CYRIB: variants seen among roughly 807,000 people sequenced by gnomAD.
CYRIB encodes CYFIP related Rac1 interactor B.
In CYRIB, 8 loss-of-function variants were observed where a neutral mutation model predicts 44.2. The observed-to-expected ratio is 0.18, with a 90% confidence interval of 0.11 to 0.33. CYRIB has a LOEUF of 0.33. CYRIB is among the 10% of genes least tolerant of loss of function. CYRIB has a pLI of 1.00. For synonymous variants in CYRIB, 131 were observed against 127.2 expected, an observed-to-expected ratio of 1.03 and a Z score of -0.20; for missense variants, 185 against 382.8, an observed-to-expected ratio of 0.48 and a Z score of 4.31.
chr8:129,894,435 C>T (rs1023978759), intron 2 of CYRIB: 8 of 152,130 alleles, frequency 5.3e-5, no homozygotes, highest in Non-Finnish European at 1.2e-4. Context: ...TATGCATTTC[C>T]TTTGTCACCT....
At chr8:129,984,923 TACC>T (rs1345710304) in intron 1 of CYRIB, among the ~76,000 whole-genome samples, 1 of 152,168 alleles carries the variant, frequency 6.6e-6, no homozygotes, top group Non-Finnish European at 1.5e-5. Context: ...TACAGGCATG[TACC>T]ACCACGCCAG....
intron 1 of CYRIB, among the ~76,000 whole-genome samples, chr8:129,978,699 G>A (rs1318548430): frequency 6.6e-6 from 1 of 152,136 alleles, no homozygotes; most frequent in Non-Finnish European, 1.5e-5. Context: ...CAGAAAAGAT[G>A]CTAATACACT....
intron 1 of CYRIB, among the ~76,000 whole-genome samples, chr8:129,913,596 A>G (rs1326866354): frequency 6.6e-6 from 1 of 152,236 alleles, no homozygotes; most frequent in African/African-American, 2.4e-5. Context: ...GGAAATTCCA[A>G]TTCTTCACAG....
chr8:129,969,066 T>C (rs1257198917), intron 2 of CYRIB, among the ~76,000 whole-genome samples: 1 of 117,294 alleles, frequency 8.5e-6, no homozygotes, highest in Non-Finnish European at 1.6e-5. Context: ...CAGGCTAGAG[T>C]GCAGTGGCTT....
At chr8:129,867,160 G>A (rs969689367) in intron 4 of CYRIB, among the ~76,000 whole-genome samples, 11 of 152,078 alleles carry the variant, frequency 7.2e-5, no homozygotes, top group African/African-American at 2.7e-4. Flanking sequence ...TTTCACTCTT[G>A]TTGCCCAGGC....
In CYRIB at chr8:129,985,331, C is replaced by T. The variant is rs1480723525; in HGVS notation, c.-295-14336G>A. Reference sequence around the variant, plus strand: ...CTATCCAGAAGGCCGGTCTTTCTCACGGCCTCTCCACGCTCCATCCTGGCC... The same window carrying T: ...CTATCCAGAAGGCCGGTCTTTCTCATGGCCTCTCCACGCTCCATCCTGGCC... On this transcript the variant is annotated intron_variant, in intron 1 of 14. Coordinates refer to the CYRIB transcript ENST00000401979. Among the ~76,000 whole-genome samples, 6 of 152,190 alleles carry T rather than the reference C, an allele frequency of 3.9e-5. 1 individual carries two copies. Among genetic ancestry groups the T allele is most frequent in the Admixed American group, 3.9e-4 (6 of 15,280 alleles).
intron 1 of CYRIB, among the ~76,000 whole-genome samples, chr8:129,903,898 G>C (rs757103323): frequency 6.6e-6 from 1 of 152,108 alleles, no homozygotes; most frequent in Non-Finnish European, 1.5e-5. Flanking sequence ...CTCTAGGATT[G>C]GTTTTATTAT....
At chr8:129,931,060 A>T (rs1451213532) in intron 1 of CYRIB, among the ~76,000 whole-genome samples, 1 of 152,308 alleles carries the variant, frequency 6.6e-6, no homozygotes, top group East Asian at 1.9e-4. Context: ...CTTTCAAAAT[A>T]ACATTTTTAC....
chr8:129,957,135 T>G (rs1180818958), intron 2 of CYRIB, among the ~76,000 whole-genome samples: 1 of 152,204 alleles, frequency 6.6e-6, no homozygotes, highest in African/African-American at 2.4e-5. Context: ...ATGCTGAGAT[T>G]ACAGGCATGA....
chr8:129,946,024 A>G (rs771724588), intron 2 of CYRIB, among the ~76,000 whole-genome samples: 53 of 152,256 alleles, frequency 3.5e-4, no homozygotes, highest in Non-Finnish European at 2.2e-4. Context: ...GGAAGCTCTC[A>G]TGAAGACTGT....
chr8:129,875,652 G>C (rs950106351), intron 3 of CYRIB, among the ~76,000 whole-genome samples: 6 of 152,126 alleles, frequency 3.9e-5, no homozygotes, highest in African/African-American at 1.4e-4. Context: ...CTGTTCTAAG[G>C]AAAAAATCCT....
chr8:129,858,125 T>G (rs1306368105), intron 5 of CYRIB, among the ~76,000 whole-genome samples: 1 of 152,224 alleles, frequency 6.6e-6, no homozygotes, highest in Non-Finnish European at 1.5e-5. Flanking sequence ...CTGGCACAAG[T>G]CAGTCCTACT....
At chr8:129,912,289 A>G (rs2078437726) in intron 1 of CYRIB, 1 of 152,192 alleles carries the variant, frequency 6.6e-6, no homozygotes, top group African/African-American at 2.4e-5. Flanking sequence ...ATATATATAT[A>G]TATGCTCCAA....
chr8:129,845,803 T>TA (rs2039618944), intron 11 of CYRIB, among the ~76,000 whole-genome samples: 1 of 152,204 alleles, frequency 6.6e-6, no homozygotes, highest in East Asian at 1.9e-4. Flanking sequence ...ATACTACCAA[T>TA]TAAATCTCTG....
intron 2 of CYRIB, among the ~76,000 whole-genome samples, chr8:129,885,575 G>A (rs2062419965): frequency 2.0e-5 from 3 of 152,226 alleles, no homozygotes; most frequent in Middle Eastern, 3.4e-3. Flanking sequence ...GTGCCTTGTA[G>A]GTTGTTTAGC....
chr8:129,922,803 C>T (rs1214481340), intron 1 of CYRIB, among the ~76,000 whole-genome samples: 1 of 147,396 alleles, frequency 6.8e-6, no homozygotes, highest in Admixed American at 6.7e-5. Context: ...GCGGAGTTTG[C>T]AGTGAGCCGA....
At chr8:129,980,339 G>A (rs937516680) in intron 1 of CYRIB, among the ~76,000 whole-genome samples, 1 of 152,100 alleles carries the variant, frequency 6.6e-6, no homozygotes, top group African/African-American at 2.4e-5. Flanking sequence ...CGGTGGGGGA[G>A]GACAACTACA....
chr8:129,959,244 T>C (rs535569838), intron 2 of CYRIB, among the ~76,000 whole-genome samples: 17 of 144,432 alleles, frequency 1.2e-4, no homozygotes, highest in Non-Finnish European at 2.2e-4. Context: ...GAGGAAGTAG[T>C]GTAGCAGCCC....
intron 1 of CYRIB, among the ~76,000 whole-genome samples, chr8:130,013,921 G>A (rs183424275): frequency 5.4e-4 from 82 of 152,296 alleles, no homozygotes; most frequent in African/African-American, 1.9e-3. Context: ...TTTCCTGCAT[G>A]GGCCAGGCAG....
Sources: gnomAD v4.1 joint callset for allele counts (sites outside exome capture counted in the v4.1 genomes callset) on GRCh38, gnomAD v4.1.1 for gene constraint, MANE v1.5 for transcripts, NCBI Gene and HGNC (gene_info 2026-07-23, HGNC 2026-07-21) for gene names.